Variants in MYO10 observed in about 807,000 individuals in gnomAD.
MYO10 encodes the protein unconventional myosin-X.
Under a neutral mutation model 257.3 loss-of-function variants are expected in MYO10, and 133 were observed. The observed-to-expected ratio is 0.52, with a 90% CI of 0.45 to 0.60. The LOEUF (loss-of-function observed/expected upper bound fraction) is 0.60. Among genes scored for constraint, MYO10 ranks in the 20% least tolerant of loss-of-function variants. The probability of loss-of-function intolerance (pLI) is 0.00; values close to 1 mark genes in which losing one functional copy is unlikely to be tolerated. For missense variants in MYO10, 2,399 were observed against 2,635.7 expected, an observed-to-expected ratio of 0.91 and a Z score of 1.97; for synonymous variants, 1,104 against 1,028.6, an observed-to-expected ratio of 1.07 and a Z score of -1.40.
At chr5:16,717,650 T>C (rs1390393857) in intron 19 of MYO10, among the ~76,000 whole-genome samples, 3 of 152,226 alleles carry the variant, frequency 2.0e-5, no homozygotes, top group Non-Finnish European at 4.4e-5. Context: ...GCTACTCCCA[T>C]AAACACGGAC....
At chr5:16,865,493 TA>T (rs1404560388) in intron 2 of MYO10, among the ~76,000 whole-genome samples, 1 of 152,140 alleles carries the variant, frequency 6.6e-6, no homozygotes, top group Non-Finnish European at 1.5e-5. Context: ...TATTATTTTG[TA>T]AAACAGTACA....
At chr5:16,912,802 G>GCACGCACACACACA (rs1554008422) in intron 1 of MYO10, among the ~76,000 whole-genome samples, 2 of 111,594 alleles carry the variant, frequency 1.8e-5, no homozygotes, top group African/African-American at 7.1e-5. Flanking sequence ...CTACCACCCT[G>GCACGCACACACACA]CACACACACA....
chr5:16,783,540 G>A, intron 4 of MYO10, 71 bp from the exon 5 acceptor site: 3 of 1,459,822 alleles, frequency 2.1e-6, no homozygotes. Flanking sequence ...TTGGTCAATG[G>A]CACTATAATT....
At chr5:16,697,901 C>T (rs2126539925) in intron 26 of MYO10, among the ~76,000 whole-genome samples, 2 of 152,276 alleles carry the variant, frequency 1.3e-5, no homozygotes, top group Middle Eastern at 6.8e-3. Context: ...ACTCTCTCCC[C>T]TCTCCAGTCT....
At chr5:16,794,430 G>C (rs1163801616) in intron 4 of MYO10, among the ~76,000 whole-genome samples, 1 of 150,598 alleles carries the variant, frequency 6.6e-6, no homozygotes, top group South Asian at 2.1e-4. Context: ...ATTATTCTGA[G>C]GACAAGAGCC....
intron 3 of MYO10, among the ~76,000 whole-genome samples, chr5:16,803,581 A>C (rs1742184828): frequency 6.6e-6 from 1 of 152,228 alleles, no homozygotes; most frequent in Non-Finnish European, 1.5e-5. Context: ...ATAATTAATA[A>C]AGATATTATG....
chr5:16,887,503 T>C (rs779852033), intron 1 of MYO10, among the ~76,000 whole-genome samples: 2 of 152,178 alleles, frequency 1.3e-5, no homozygotes, highest in Non-Finnish European at 2.9e-5. Context: ...TTATTATTAT[T>C]ATTTTTAGAT....
intron 2 of MYO10, 132 bp downstream of exon 2, chr5:16,877,477 A>T (rs1349199321): frequency 3.1e-6 from 2 of 654,990 alleles, no homozygotes; most frequent in African/African-American, 3.6e-5. Context: ...TCCCACTGGG[A>T]TTTTGAATTA....
At chr5:16,775,068 C>T (rs1199082081) in intron 9 of MYO10, among the ~76,000 whole-genome samples, 1 of 152,176 alleles carries the variant, frequency 6.6e-6, no homozygotes, top group Non-Finnish European at 1.5e-5. Context: ...ACTCCTGTTA[C>T]TTCATACACA....
intron 1 of MYO10, among the ~76,000 whole-genome samples, chr5:16,906,427 G>A (rs568281948): frequency 1.3e-5 from 2 of 152,300 alleles, no homozygotes; most frequent in African/African-American, 4.8e-5. Context: ...CTGCCCCTAG[G>A]TGTCACAAGC....
At chr5:16,903,312 G>A (rs932965351) in intron 1 of MYO10, among the ~76,000 whole-genome samples, 4 of 152,222 alleles carry the variant, frequency 2.6e-5, no homozygotes, top group Non-Finnish European at 5.9e-5. Context: ...GGCTGAGGCA[G>A]GAGAATCACT....
intron 2 of MYO10, among the ~76,000 whole-genome samples, chr5:16,848,160 T>C (rs1743695105): frequency 2.0e-5 from 3 of 147,336 alleles, no homozygotes; most frequent in Non-Finnish European, 4.5e-5. Flanking sequence ...CATTTCTTTT[T>C]TTTTTTTTTT....
Position 16,679,951 on chromosome 5 carries a change from A to AT in MYO10, c.4537dup (p.Ile1513AsnfsTer56). On this transcript the variant is annotated frameshift_variant, in exon 33 of 41. Coordinates refer to ENST00000513610, the MANE Select transcript of MYO10 (RefSeq NM_012334.3). LOFTEE classifies it high-confidence loss of function. ...GATGGGCTTGTCTTGGCTTACCTTG[A>AT]TATCTTGAATCAGCTGCTGGGTGGG... 1 of 1,613,412 alleles carries AT rather than the reference A, an allele frequency of 6.2e-7. No individual in the cohort carries two copies. The highest frequency in any genetic ancestry group is 8.5e-7 in the Non-Finnish European group (1 of 1,179,672).
Position 16,675,040 on chromosome 5 carries a change from G to T in MYO10, c.4777C>A (p.Leu1593Ile), listed in dbSNP as rs751953137. Residue 1593 changes from leucine (L) to isoleucine (I), a missense_variant, in exon 35 of 41, where the codon CTA (leucine) becomes ATA (isoleucine). Physicochemically the swap from Leu to Ile is conservative, Grantham distance 5 (BLOSUM62 2). Transcript: ENST00000513610. ...SDPIPIIQGI[L>I]QTGHDLRPLR... ...GGTCGCAGGTCATGCCCTGTCTGTAGGATGCCCTGGATTATTGGAATTGGG... is the reference window on the plus strand; with the variant it reads ...GGTCGCAGGTCATGCCCTGTCTGTATGATGCCCTGGATTATTGGAATTGGG... 1.2e-5 allele frequency: 20 copies of T among 1,613,844 alleles called. No homozygotes were observed. Among genetic ancestry groups the T allele is most frequent in the Non-Finnish European group, 1.6e-5 (19 of 1,179,896 alleles).
At chr5:16,761,377 C>G (rs1297231790) in intron 17 of MYO10, 87 bp downstream of exon 17, 10 of 1,039,998 alleles carry the variant, frequency 9.6e-6, no homozygotes, top group Non-Finnish European at 1.5e-5. Context: ...TACATAACAG[C>G]AATTTGTTCT....
intron 19 of MYO10, among the ~76,000 whole-genome samples, chr5:16,718,453 C>T (rs1038401579): frequency 6.6e-6 from 1 of 152,258 alleles, no homozygotes; most frequent in African/African-American, 2.4e-5. Context: ...TTATATCTAG[C>T]TCAGGGATTG....
intron 3 of MYO10, among the ~76,000 whole-genome samples, chr5:16,798,715 CA>C (rs1580003386): frequency 6.6e-6 from 1 of 152,214 alleles, no homozygotes; most frequent in East Asian, 1.9e-4. Context: ...TGCTAAGTAT[CA>C]AAAATGTTCA....
chr5:16,847,762 T>G (rs1246223570), intron 2 of MYO10, among the ~76,000 whole-genome samples: 1 of 152,036 alleles, frequency 6.6e-6, no homozygotes, highest in African/African-American at 2.4e-5. Flanking sequence ...GGTGCACAAC[T>G]GAAGTCTCAG....
At chr5:16,676,579 G>A (rs1036473560) in intron 33 of MYO10, among the ~76,000 whole-genome samples, 3 of 152,156 alleles carry the variant, frequency 2.0e-5, no homozygotes, top group Non-Finnish European at 4.4e-5. Flanking sequence ...GCCGGGTGTG[G>A]TGGCTGAGTA....
Sources: allele counts gnomAD v4.1 joint callset (sites outside exome capture counted in the v4.1 genomes callset), GRCh38; gene constraint gnomAD v4.1.1; transcripts MANE v1.5; gene names NCBI Gene and HGNC (gene_info 2026-07-23, HGNC 2026-07-21).